IFT88: variants seen among roughly 807,000 people sequenced by gnomAD.
IFT88 encodes the protein intraflagellar transport 88.
Under a neutral mutation model 119.5 loss-of-function variants are expected in IFT88, and 74 were observed. The ratio of observed to expected loss-of-function variants is 0.62; its 90% confidence interval spans 0.51 to 0.75. The LOEUF is 0.75. IFT88 is among the 30% of genes least tolerant of loss of function. The probability of loss-of-function intolerance (pLI) is 0.00; values close to 1 mark genes in which losing one functional copy is unlikely to be tolerated. For missense variants in IFT88, 961 were observed against 977.7 expected, an observed-to-expected ratio of 0.98 and a Z score of 0.23; for synonymous variants, 279 against 316.7, an observed-to-expected ratio of 0.88 and a Z score of 1.26.
intron 2 of IFT88, among the ~76,000 whole-genome samples, chr13:20,582,385 G>C (rs1279465929): frequency 6.6e-6 from 1 of 152,142 alleles, no homozygotes; most frequent in South Asian, 2.1e-4. Flanking sequence ...TGGCAGTGCA[G>C]GTTGGACTTG....
In IFT88 at chr13:20,640,666, C is replaced by G. The variant is rs530787013; in HGVS notation, c.1574-624C>G. Among the ~76,000 whole-genome samples, 6 of 152,230 alleles carry G rather than the reference C, an allele frequency of 3.9e-5. No individual in the cohort carries two copies. The South Asian group carries it at 1.2e-3, about 32-fold the overall frequency. ...CACCACTTATTACTAGCACTTTCCT[C>G]CCCACTGATTTTAAATGTCTTTAAC... On this transcript the variant is annotated intron_variant, in intron 17 of 25. Transcript: ENST00000351808.
At chr13:20,604,086 A>G (rs775802248) in intron 12 of IFT88, among the ~76,000 whole-genome samples, 13 of 152,018 alleles carry the variant, frequency 8.6e-5, no homozygotes, top group South Asian at 2.1e-4. Context: ...AATAAAAAAA[A>G]TATATATTAG....
At chr13:20,679,880 A>G (rs2057123711) in intron 24 of IFT88, among the ~76,000 whole-genome samples, 1 of 152,210 alleles carries the variant, frequency 6.6e-6, no homozygotes, top group Non-Finnish European at 1.5e-5. Context: ...ATATGCCCAA[A>G]TAATAGGAAC....
At chr13:20,592,511 C>A in intron 7 of IFT88, 107 bp downstream of exon 7, 2 of 759,830 alleles carry the variant, frequency 2.6e-6, no homozygotes, top group Non-Finnish European at 4.2e-6. Context: ...ACTCTGTTGC[C>A]CAGGCTGGAG....
intron 23 of IFT88, among the ~76,000 whole-genome samples, chr13:20,664,765 T>C (rs1214268037): frequency 6.6e-6 from 1 of 151,814 alleles, no homozygotes; most frequent in East Asian, 1.9e-4. Context: ...AGGTAAACTA[T>C]TAAGAAGAAA....
intron 24 of IFT88, among the ~76,000 whole-genome samples, chr13:20,687,948 C>T (rs2058112865): frequency 6.6e-6 from 1 of 152,134 alleles, no homozygotes; most frequent in South Asian, 2.1e-4. Flanking sequence ...AGGCCTGGGG[C>T]CTCAAAAAGG....
intron 13 of IFT88, among the ~76,000 whole-genome samples, chr13:20,606,087 A>G (rs755810119): frequency 3.3e-5 from 5 of 152,082 alleles, no homozygotes; most frequent in Non-Finnish European, 7.3e-5. Flanking sequence ...CCTTCGCTGG[A>G]GATTGAGGGT....
chr13:20,569,697 A>G (rs953900579), intron 1 of IFT88, among the ~76,000 whole-genome samples: 1 of 151,876 alleles, frequency 6.6e-6, no homozygotes. Context: ...TCAGGAATAT[A>G]TACAGGATCC....
chr13:20,592,722 A>T (rs2040905386), intron 7 of IFT88, among the ~76,000 whole-genome samples: 1 of 151,816 alleles, frequency 6.6e-6, no homozygotes, highest in African/African-American at 2.4e-5. Flanking sequence ...TGCCGACCTC[A>T]GCCTCCCAAA....
intron 12 of IFT88, among the ~76,000 whole-genome samples, chr13:20,603,961 G>C (rs543638745): frequency 6.6e-6 from 1 of 152,334 alleles, no homozygotes; most frequent in South Asian, 2.1e-4. Context: ...TCTGGAGGCT[G>C]AGGTGGGAGG....
At chr13:20,643,633 G>A (rs2050290653) in intron 19 of IFT88, 28 bp downstream of exon 19, 3 of 1,511,264 alleles carry the variant, frequency 2.0e-6, no homozygotes, top group South Asian at 1.2e-5. Context: ...ATTTCCTTCT[G>A]TGTTTTAGCA....
At chr13:20,662,539 A>G (rs538703051) in intron 22 of IFT88, among the ~76,000 whole-genome samples, 8 of 152,334 alleles carry the variant, frequency 5.3e-5, no homozygotes, top group Middle Eastern at 3.4e-3. Context: ...ATGAACATCT[A>G]TGTCTCTGGA....
At chr13:20,571,815 A>G (rs2036412383) in intron 1 of IFT88, among the ~76,000 whole-genome samples, 1 of 152,222 alleles carries the variant, frequency 6.6e-6, no homozygotes, top group South Asian at 2.1e-4. Flanking sequence ...ATTTGCAGCA[A>G]GTTATCTCAG....
intron 2 of IFT88, 68 bp from the exon 3 acceptor site, chr13:20,582,889 A>C (rs780068409): frequency 1.7e-6 from 2 of 1,178,580 alleles, no homozygotes; most frequent in Non-Finnish European, 1.3e-6. Context: ...ACCAAACAGC[A>C]GTTTAAACTT....
intron 24 of IFT88, among the ~76,000 whole-genome samples, chr13:20,685,264 G>C (rs1014622181): frequency 2.6e-5 from 4 of 152,160 alleles, no homozygotes; most frequent in African/African-American, 9.7e-5. Context: ...GGGGGGGCCA[G>C]GTTTTCCTTG....
At chr13:20,588,856 T>C (rs1033509013) in intron 3 of IFT88, among the ~76,000 whole-genome samples, 1 of 152,202 alleles carries the variant, frequency 6.6e-6, no homozygotes, top group Non-Finnish European at 1.5e-5. Context: ...AGGGCTAGTA[T>C]ACTATTATTT....
intron 22 of IFT88, among the ~76,000 whole-genome samples, chr13:20,658,770 A>G (rs2053297300): frequency 6.6e-6 from 1 of 152,238 alleles, no homozygotes; most frequent in Non-Finnish European, 1.5e-5. Context: ...GTCTCTAGAC[A>G]TTGCCAGTGT....
At chr13:20,596,889 A>G in intron 8 of IFT88, 126 bp from the exon 9 acceptor site, 1 of 549,684 alleles carries the variant, frequency 1.8e-6, no homozygotes, top group Admixed American at 3.7e-5. Context: ...GTAAGAGCAC[A>G]CAGGGGTGTC....
At chr13:20,677,456 T>C (rs1276252545) in intron 24 of IFT88, among the ~76,000 whole-genome samples, 2 of 152,198 alleles carry the variant, frequency 1.3e-5, no homozygotes, top group Non-Finnish European at 2.9e-5. Context: ...GGACTGTTGG[T>C]TGGGAAAGTA....
Sources: allele counts gnomAD v4.1 joint callset (sites outside exome capture counted in the v4.1 genomes callset), GRCh38; gene constraint gnomAD v4.1.1; transcripts MANE v1.5; gene names NCBI Gene and HGNC (gene_info 2026-07-23, HGNC 2026-07-21).